UBE3B: variants seen among roughly 807,000 people sequenced by gnomAD.
The protein encoded by UBE3B is ubiquitin-protein ligase E3B.
UBE3B carries 80 observed loss-of-function variants against 132.3 expected under a neutral mutation model. That is an observed-to-expected ratio of 0.60 (90% CI 0.50 to 0.73). The LOEUF (loss-of-function observed/expected upper bound fraction) is 0.73. Among genes scored for constraint, UBE3B ranks in the 30% least tolerant of loss-of-function variants. The pLI, the probability that UBE3B is intolerant of heterozygous loss-of-function variation, is 0.00. For synonymous variants in UBE3B, 487 were observed against 520.4 expected (o/e 0.94, Z 0.87); for missense variants, 1,196 against 1,362.5 (o/e 0.88, Z 1.92).
At chr12:109,544,730 G>A in the UBE3B span, among the ~76,000 whole-genome samples, 31,317 of 152,014 alleles carry the variant, frequency 0.21, 3,729 homozygotes, top group African/African-American at 0.34. Context: ...CTCAGCTGTG[G>A]GAGCTCCTGG....
At chr12:109,529,416 C>T (rs1362139916) in intron 24 of UBE3B, among the ~76,000 whole-genome samples, 2 of 152,142 alleles carry the variant, frequency 1.3e-5, no homozygotes, top group Non-Finnish European at 2.9e-5. Context: ...GACTGTTGAT[C>T]CAGATTAGCA....
At position 109,491,125 on chromosome 12, in the gene UBE3B, A is replaced by T. The variant is rs1179671528; in HGVS notation, c.711A>T (p.Leu237Phe). 3 of 1,613,872 alleles carry T rather than the reference A, an allele frequency of 1.9e-6. No individual in the cohort carries two copies. Among genetic ancestry groups the T allele is most frequent in the Non-Finnish European group, 2.5e-6 (3 of 1,179,898 alleles). Reference sequence around the variant, plus strand: ...TAACAGCAGCTTTTTCTCTAGCGTTACGGTGAGTAAGAAACCATAGCTGAG... The same window carrying T: ...TAACAGCAGCTTTTTCTCTAGCGTTTCGGTGAGTAAGAAACCATAGCTGAG... ...GTLTAAFSLA[L>F]RPVIAAQFSD... Residue 237 changes from leucine to phenylalanine, a missense_variant and splice_region_variant, in exon 9 of 28, where the codon TTA becomes TTT. Leu to Phe is a conservative substitution (Grantham distance 22). Coordinates refer to ENST00000342494, the MANE Select transcript of UBE3B (RefSeq NM_130466.4).
At position 109,503,143 on chromosome 12, in the gene UBE3B, A is replaced by G. The variant is rs765096758; in HGVS notation, c.1403A>G (p.Gln468Arg). 3.7e-6 allele frequency: 6 copies of G among 1,614,232 alleles called. No homozygotes were observed. Among genetic ancestry groups the G allele is most frequent in the Non-Finnish European group, 5.1e-6 (6 of 1,180,040 alleles). The change falls in exon 14 of 28, where the codon CAG becomes CGG. Residue 468 changes from glutamine (Q) to arginine (R), a missense_variant. Physicochemically the swap from Gln to Arg is conservative, Grantham distance 43. Transcript: ENST00000342494. ...GTTTGCAACATCTGTGTCCTCTACCAGACCTCGCTGACAACTCTCACACAG... is the reference window on the plus strand; with the variant it reads ...GTTTGCAACATCTGTGTCCTCTACCGGACCTCGCTGACAACTCTCACACAG... ...QKVCNICVLYQTSLTTLTQIR... is the reference protein window; with the variant it reads ...QKVCNICVLYRTSLTTLTQIR...
In UBE3B at chr12:109,524,004, A is replaced by G. The variant is rs1228590858; in HGVS notation, c.2391A>G (p.Ala797=). Residue 797 remains alanine (A), a synonymous_variant, in exon 22 of 28, where the codon GCA becomes GCG. Coordinates refer to ENST00000342494, the MANE Select transcript of UBE3B (RefSeq NM_130466.4). The stretch of plus-strand genomic sequence containing the variant: ...GAATTGTGGTGGACGTGCCATTTGC[A>G]TCCTTCTTCCTGAGCCAACTGCTTG... ...YEGIVVDVPF[A]SFFLSQLLGH... The G allele has an allele frequency of 6.2e-7, 1 of 1,614,014 alleles. No homozygotes were observed.
At chr12:109,524,203 C>A (rs1882039095) in intron 22 of UBE3B, 88 bp downstream of exon 22, 1 of 1,559,866 alleles carries the variant, frequency 6.4e-7, no homozygotes, top group Non-Finnish European at 8.7e-7. Flanking sequence ...CCTGTCCTCT[C>A]TTATTGCTGT....
chr12:109,521,101 C>T lies in UBE3B; in HGVS notation c.2077-47C>T, dbSNP rs1881654581. ...AGGAGAGGGAACCCCGAATTGTGTG[C>T]ATAAGGCTTTGGGCTTCCTAATGGG... On this transcript the variant is annotated intron_variant, in intron 19 of 27. Coordinates refer to ENST00000342494, the MANE Select transcript of UBE3B (RefSeq NM_130466.4). The surrounding 1 kb of genome is among the most constrained non-coding windows in gnomAD (Gnocchi z 4.2). 2 of 1,603,562 alleles carry T rather than the reference C, an allele frequency of 1.2e-6. No homozygotes were observed. Among genetic ancestry groups the T allele is most frequent in the East Asian group, 4.5e-5 (2 of 44,652 alleles).
chr12:109,511,372 C>T, intron 18 of UBE3B, 69 bp downstream of exon 18: 1 of 1,416,740 alleles, frequency 7.1e-7, no homozygotes, highest in Non-Finnish European at 9.9e-7. Context: ...GCCTTTCCAT[C>T]CTTGCTATGG....
chr12:109,500,297 G>A (rs1439708724), intron 12 of UBE3B, among the ~76,000 whole-genome samples: 1 of 152,236 alleles, frequency 6.6e-6, no homozygotes, highest in Non-Finnish European at 1.5e-5. Context: ...ACTAGAAGAA[G>A]GGAGATCAAG....
intron 12 of UBE3B, 102 bp downstream of exon 12, chr12:109,499,912 A>G: frequency 4.6e-6 from 5 of 1,093,816 alleles, no homozygotes; most frequent in Non-Finnish European, 6.0e-6. Context: ...TTCTTATTAT[A>G]AAAATAATAT....
chr12:109,497,741 G>A, intron 9 of UBE3B, 77 bp from the exon 10 acceptor site: 4 of 1,393,770 alleles, frequency 2.9e-6, no homozygotes, highest in Non-Finnish European at 4.0e-6. Context: ...AGGAATTTGA[G>A]CACGTTGGTG....
At chr12:109,529,582 G>A (rs896715056) in intron 24 of UBE3B, among the ~76,000 whole-genome samples, 2 of 152,196 alleles carry the variant, frequency 1.3e-5, no homozygotes, top group East Asian at 1.9e-4. Flanking sequence ...CTCTTCTTAC[G>A]TGGGGAATGT....
chr12:109,521,506 G>A lies in UBE3B; in HGVS notation c.2319G>A (p.Gln773=). 6.2e-7 allele frequency: 1 copy of A among 1,602,186 alleles called. No individual in the cohort carries two copies. Among genetic ancestry groups the A allele is most frequent in the Non-Finnish European group, 8.5e-7 (1 of 1,171,888 alleles). The change falls in exon 21 of 28, where the codon CAG becomes CAA. Residue 773 remains glutamine (Q), a synonymous_variant. Coordinates refer to ENST00000342494, the MANE Select transcript of UBE3B (RefSeq NM_130466.4). The surrounding 1 kb of genome is among the most constrained non-coding windows in gnomAD (Gnocchi z 4.2). ...CCTACATCCATGAGAATTACCTGCA[G>A]CTCTTCGAGTTTGTGGGGAAGATGC... ...PTSYIHENYL[Q]LFEFVGKMLG...
intron 8 of UBE3B, 112 bp downstream of exon 8, chr12:109,490,116 T>C (rs1217753796): frequency 9.1e-6 from 10 of 1,103,374 alleles, no homozygotes; most frequent in Middle Eastern, 1.9e-4. Context: ...ACACTTTTCA[T>C]AGGAAGAGCT....
At chr12:109,502,305 C>CA (rs1209775229) in intron 13 of UBE3B, among the ~76,000 whole-genome samples, 7 of 152,314 alleles carry the variant, frequency 4.6e-5, no homozygotes, top group Admixed American at 4.6e-4. Context: ...AGGAGCCACT[C>CA]ACTGAACCAC....
rs201336062 is a variant in UBE3B at position 109,486,580 on chromosome 12, CAAAAAAAAA to C, written c.447+20_447+28del. Reference sequence around the variant, plus strand: ...GATTTTCTCAAGCAGCTCAAGGTAACAAAAAAAAAAAAAAAAAAAAAAAGCAAAACCAGA... The same window carrying C: ...GATTTTCTCAAGCAGCTCAAGGTAACAAAAAAAAAAAAAAGCAAAACCAGA... On this transcript the variant is annotated splice_donor_region_variant and intron_variant, in intron 6 of 27. Transcript: ENST00000342494. 9,196 of 560,796 alleles carry C rather than the reference CAAAAAAAAA, an allele frequency of 0.016. 5 individuals carry two copies. The highest frequency in any genetic ancestry group is 0.019 in the Non-Finnish European group (7,507 of 389,694). 34.7% of individuals were successfully genotyped at this position (560,796 alleles called of 1,614,324 possible).
At chr12:109,538,071 G>A (rs1883519810), downstream of UBE3B, among the ~76,000 whole-genome samples, 1 of 152,242 alleles carries the variant, frequency 6.6e-6, no homozygotes, top group Non-Finnish European at 1.5e-5. The surrounding 1 kb of genome is among the most constrained non-coding windows in gnomAD (Gnocchi z 4.1). Flanking sequence ...GGAAAAATAA[G>A]TGAGTTTTTA....
chr12:109,503,218 A>G, intron 14 of UBE3B, 28 bp downstream of exon 14: 1 of 1,600,982 alleles, frequency 6.2e-7, no homozygotes, highest in Non-Finnish European at 8.5e-7. Context: ...CATCTTCTTC[A>G]CCTCTCACAT....
intron 27 of UBE3B, chr12:109,533,816 G>T: frequency 1.1e-6 from 1 of 928,924 alleles, no homozygotes; most frequent in Non-Finnish European, 1.6e-6. Flanking sequence ...TGGAGTGGGG[G>T]TGGGTACGTG....
Position 109,534,729 on chromosome 12 carries a change from C to T in UBE3B, c.3154C>T (p.Arg1052Cys), listed in dbSNP as rs145503739. 9.4e-6 allele frequency: 15 copies of T among 1,602,060 alleles called. No individual in the cohort carries two copies. The highest frequency in any genetic ancestry group is 4.0e-5 in the African/African-American group (3 of 74,510). Residue 1052 changes from arginine to cysteine, a missense_variant, in exon 28 of 28, where the codon CGC becomes TGC. Transcript: ENST00000342494. The surrounding 1 kb of genome is among the most constrained non-coding windows in gnomAD (Gnocchi z 5.2). ...LPNYSKKSVL[R>C]EKLRYAISMN... is the part of the protein sequence containing the mutation. ...CAACTACAGCAAGAAGAGCGTCCTC[C>T]GCGAGAAGCTGCGCTACGCCATCAG...
Sources: gnomAD v4.1 joint callset for allele counts (sites outside exome capture counted in the v4.1 genomes callset) on GRCh38, gnomAD v4.1.1 for gene constraint, Gnocchi (gnomAD v3.1) non-coding constraint, MANE v1.5 for transcripts, NCBI Gene and HGNC (gene_info 2026-07-23, HGNC 2026-07-21) for gene names.